The following ERGIC1 variants were observed in gnomAD, a reference collection of about 807,000 sequenced individuals.
The protein encoded by ERGIC1 is endoplasmic reticulum-golgi intermediate compartment 1.
ERGIC1 carries 19 observed loss-of-function variants against 38.3 expected under a neutral mutation model. That is an observed-to-expected ratio of 0.50 (90% confidence interval 0.35 to 0.73). The LOEUF is 0.73. ERGIC1 is among the 30% of genes least tolerant of loss of function. The pLI is 0.01. For synonymous variants in ERGIC1, 124 were observed against 157.6 expected, an observed-to-expected ratio of 0.79 and a Z score of 1.60; for missense variants, 294 against 389.2, an observed-to-expected ratio of 0.76 and a Z score of 2.06.
intron 3 of ERGIC1, among the ~76,000 whole-genome samples, chr5:172,899,646 G>A (rs868739671): frequency 6.6e-6 from 1 of 152,064 alleles, no homozygotes; most frequent in Non-Finnish European, 1.5e-5. Flanking sequence ...TGATGAGCTC[G>A]TGGAGCCCAG....
intron 1 of ERGIC1, among the ~76,000 whole-genome samples, chr5:172,883,733 A>T (rs1342256193): frequency 6.6e-6 from 1 of 152,098 alleles, no homozygotes; most frequent in African/African-American, 2.4e-5. Context: ...TGTAATCCCA[A>T]TACTTTGGGA....
rs1162392493 is a variant in ERGIC1 at position 172,834,462 on chromosome 5, A to G, written c.20+29A>G. On this transcript the variant is annotated intron_variant, in intron 1 of 9. Transcript: ENST00000393784. The surrounding 1 kb of genome is among the most constrained non-coding windows in gnomAD (Gnocchi z 4.1). ...AGTGTGGCGACCCCGGCCAGTCGGG[A>G]GTTCCCTCAGCGGGCAGAGGGAGCG... is the stretch of plus-strand genomic sequence containing the variant. The G allele has an allele frequency of 1.5e-6, 2 of 1,305,846 alleles. No individual in the cohort carries two copies. The highest frequency in any genetic ancestry group is 1.5e-5 in the African/African-American group (1 of 64,944). 80.9% of individuals were successfully genotyped at this position (1,305,846 alleles called of 1,614,324 possible). A position where few individuals can be genotyped will look rare whatever the true frequency, so the allele number is the denominator to read the frequency against.
chr5:172,914,534 T>G, intron 4 of ERGIC1, 180 bp from the exon 5 acceptor site: 1 of 1,001,668 alleles, frequency 1.0e-6, no homozygotes, highest in Non-Finnish European at 1.5e-6. Context: ...TCGCCTCACG[T>G]TTAGCGGAGT....
At chr5:172,872,579 C>A (rs943453197) in intron 1 of ERGIC1, among the ~76,000 whole-genome samples, 1 of 152,166 alleles carries the variant, frequency 6.6e-6, no homozygotes, top group African/African-American at 2.4e-5. Flanking sequence ...CTTTGGGAGG[C>A]CGAGGCAGGT....
intron 1 of ERGIC1, among the ~76,000 whole-genome samples, chr5:172,886,228 C>A (rs1019122978): frequency 6.6e-6 from 1 of 152,172 alleles, no homozygotes; most frequent in Admixed American, 6.5e-5. Flanking sequence ...CCCTGCACAT[C>A]GGGCTGTACC....
chr5:172,890,526 G>T (rs1052075573), intron 2 of ERGIC1, among the ~76,000 whole-genome samples: 1 of 152,248 alleles, frequency 6.6e-6, no homozygotes, highest in South Asian at 2.1e-4. Context: ...AGTGAAGGGC[G>T]TATGGGAACT....
At chr5:172,861,038 C>T (rs1015781907) in intron 1 of ERGIC1, among the ~76,000 whole-genome samples, 2 of 152,176 alleles carry the variant, frequency 1.3e-5, no homozygotes, top group African/African-American at 2.4e-5. Context: ...TCAAATCCAC[C>T]GCCGAAAACA....
intron 1 of ERGIC1, among the ~76,000 whole-genome samples, chr5:172,872,779 C>A (rs915649949): frequency 1.3e-5 from 2 of 151,746 alleles, no homozygotes; most frequent in African/African-American, 4.9e-5. Flanking sequence ...CACACCACTG[C>A]ATTCCAGCCT....
intron 9 of ERGIC1, among the ~76,000 whole-genome samples, chr5:172,941,209 T>G (rs1458111304): frequency 8.0e-5 from 12 of 150,200 alleles, no homozygotes; most frequent in Non-Finnish European, 3.0e-5. Flanking sequence ...ATCTTGGCAG[T>G]AAGCCAAGAT....
intron 3 of ERGIC1, among the ~76,000 whole-genome samples, chr5:172,906,842 G>A (rs1763039886): frequency 6.6e-6 from 1 of 152,088 alleles, no homozygotes. Context: ...CTGGGTGGGG[G>A]GCATTATCGG....
Position 172,834,260 on chromosome 5 carries a change from C to CAGCGGGAGGCGAGTGGCGAGT in ERGIC1, c.-153_-133dup. ...GGCTGCGCGGAGCGTCACTTCCCGGCAGCGGGAGGCGAGTGGCGAGTGGCG... is the reference window on the plus strand; with the variant it reads ...GGCTGCGCGGAGCGTCACTTCCCGGCAGCGGGAGGCGAGTGGCGAGTAGCGGGAGGCGAGTGGCGAGTGGCG... On this transcript the variant is annotated 5_prime_UTR_variant, in exon 1 of 10. Coordinates refer to ENST00000393784, the MANE Select transcript of ERGIC1 (RefSeq NM_001031711.3). This position sits in a 1 kb window ranked among gnomAD's most constrained non-coding sequence, Gnocchi z 4.1. 1.4e-6 allele frequency: 1 copy of CAGCGGGAGGCGAGTGGCGAGT among 730,538 alleles called. No individual in the cohort carries two copies. The allele number at this position is 730,538 out of a possible 1,614,324, so 45.3% of individuals were successfully genotyped here.
chr5:172,835,101 G>A (rs528034401), intron 1 of ERGIC1, among the ~76,000 whole-genome samples: 46 of 152,348 alleles, frequency 3.0e-4, no homozygotes, highest in African/African-American at 1.1e-3. Context: ...CCTTTGTGGG[G>A]TCCAGCTGCC....
chr5:172,920,580 T>A (rs1281670174), intron 5 of ERGIC1: 1 of 627,424 alleles, frequency 1.6e-6, no homozygotes, highest in Non-Finnish European at 2.9e-6. Context: ...AAAGCGTTGC[T>A]GTTTCTTTCT....
chr5:172,907,322 C>T (rs1763060014), intron 3 of ERGIC1, among the ~76,000 whole-genome samples: 1 of 152,208 alleles, frequency 6.6e-6, no homozygotes, highest in Non-Finnish European at 1.5e-5. Flanking sequence ...CTTTGGGAGG[C>T]CGAGGCAGGC....
At chr5:172,849,146 C>T (rs1476818608) in intron 1 of ERGIC1, among the ~76,000 whole-genome samples, 1 of 152,200 alleles carries the variant, frequency 6.6e-6, no homozygotes, top group Admixed American at 6.5e-5. Flanking sequence ...AGGGTCATAC[C>T]TCTGGCAAAG....
intron 9 of ERGIC1, among the ~76,000 whole-genome samples, chr5:172,940,406 C>G (rs1290562488): frequency 6.6e-6 from 1 of 152,182 alleles, no homozygotes; most frequent in South Asian, 2.1e-4. Context: ...AAGTAATCCC[C>G]TCCAAAGTGC....
rs954076141 is a variant in ERGIC1, at chr5:172,846,654, C to A, written c.20+12221C>A. 1.3e-5 allele frequency among the ~76,000 whole-genome samples: 2 copies of A among 152,252 alleles called. No individual in the cohort carries two copies. The highest frequency in any genetic ancestry group is 1.9e-4 in the East Asian group (1 of 5,182). On this transcript the variant is annotated intron_variant, in intron 1 of 9. Transcript: ENST00000393784. The surrounding 1 kb of genome is among the most constrained non-coding windows in gnomAD (Gnocchi z 4.0). ...TATAGGAACCATGTCATAAGAGTAACCTTCAAAGGAATAGGAAGGTTTCTC... is the reference window on the plus strand; with the variant it reads ...TATAGGAACCATGTCATAAGAGTAAACTTCAAAGGAATAGGAAGGTTTCTC...
intron 1 of ERGIC1, among the ~76,000 whole-genome samples, chr5:172,859,312 C>T (rs1186530672): frequency 6.6e-6 from 1 of 152,136 alleles, no homozygotes; most frequent in Non-Finnish European, 1.5e-5. Flanking sequence ...AGCCCCACAC[C>T]CAGCCACATT....
In ERGIC1 at chr5:172,926,397, C is replaced by T. The variant is rs1303853873; in HGVS notation, c.481-112C>T. 2.6e-6 allele frequency: 3 copies of T among 1,166,764 alleles called. No individual in the cohort carries two copies. The highest frequency in any genetic ancestry group is 3.8e-6 in the Non-Finnish European group (3 of 790,328). 72.3% of individuals were successfully genotyped at this position (1,166,764 alleles called of 1,614,324 possible). A position where few individuals can be genotyped will look rare whatever the true frequency, so the allele number is the denominator to read the frequency against. On this transcript the variant is annotated intron_variant, in intron 6 of 9. Transcript: ENST00000393784. This position sits in a 1 kb window ranked among gnomAD's most constrained non-coding sequence, Gnocchi z 5.2. ...ACAAATCCGCTGGAGCCCCCTTTTA[C>T]ACATTGGTAGGGTTCCTAGACCAGG...
Sources: gnomAD v4.1 joint callset for allele counts (sites outside exome capture counted in the v4.1 genomes callset) on GRCh38, gnomAD v4.1.1 for gene constraint, Gnocchi (gnomAD v3.1) non-coding constraint, MANE v1.5 for transcripts, NCBI Gene and HGNC (gene_info 2026-07-23, HGNC 2026-07-21) for gene names.